The following RNF144B variants were observed in gnomAD, a reference collection of about 807,000 sequenced individuals.
RNF144B encodes the protein ring finger protein 144B.
In RNF144B, 25 loss-of-function variants were observed where a neutral mutation model predicts 40.2. The observed-to-expected ratio is 0.62, with a 90% CI of 0.45 to 0.87. The LOEUF is 0.87. Among genes scored for constraint, RNF144B ranks in the 40% least tolerant of loss-of-function variants. The pLI is 0.00. For synonymous variants in RNF144B, 145 were observed against 136.3 expected (o/e 1.06, Z -0.44); for missense variants, 365 against 373.7 (o/e 0.98, Z 0.19).
Position 18,395,450 on chromosome 6 carries a change from C to T in RNF144B, c.-36-4049C>T, listed in dbSNP as rs1260157502. Among the ~76,000 whole-genome samples the T allele has an allele frequency of 6.6e-6, 1 of 152,046 alleles. No homozygotes were observed. Among genetic ancestry groups the T allele is most frequent in the Non-Finnish European group, 1.5e-5 (1 of 68,002 alleles). On this transcript the variant is annotated intron_variant, in intron 1 of 7. Transcript: ENST00000259939. The surrounding 1 kb of genome is among the most constrained non-coding windows in gnomAD (Gnocchi z 4.5). ...CACAAAGGAAGAAATGCAAGGAAAC[C>T]TTGGAGCCATTCACAGGCATCTCAG...
rs1004779858 is a variant in RNF144B at position 18,398,098 on chromosome 6, G to T, written c.-36-1401G>T. Among the ~76,000 whole-genome samples, 1 of 151,790 alleles carries T rather than the reference G, an allele frequency of 6.6e-6. No homozygotes were observed. Among genetic ancestry groups the T allele is most frequent in the African/African-American group, 2.4e-5 (1 of 41,298 alleles). On this transcript the variant is annotated intron_variant, in intron 1 of 7. Coordinates refer to ENST00000259939, the MANE Select transcript of RNF144B (RefSeq NM_182757.4). This position sits in a 1 kb window ranked among gnomAD's most constrained non-coding sequence, Gnocchi z 5.0. ...CACTCGAGCCTGGGCAACAGAGAGAGACCCTTTCTCTAGGAAAAAAAAACC... is the reference window on the plus strand; with the variant it reads ...CACTCGAGCCTGGGCAACAGAGAGATACCCTTTCTCTAGGAAAAAAAAACC...
intron 1 of RNF144B, chr6:18,396,363 CTTTGTTTTTCAAGAGTACA>C (rs1794694100): frequency 1.1e-6 from 1 of 946,152 alleles, no homozygotes; most frequent in African/African-American, 1.8e-5. Context: ...CCAATTATGT[CTTTGTTTTTCAAGAGTACA>C]TTAAAACTTT....
intron 6 of RNF144B, among the ~76,000 whole-genome samples, chr6:18,462,171 G>A (rs538731042): frequency 6.6e-5 from 10 of 152,124 alleles, no homozygotes; most frequent in Non-Finnish European, 1.2e-4. Context: ...TAGAAGCCAA[G>A]CTTCAAAAAA....
Position 18,450,212 on chromosome 6 carries a change from A to G in RNF144B, c.332-6943A>G, listed in dbSNP as rs138871613. Among the ~76,000 whole-genome samples, 1 of 151,606 alleles carries G rather than the reference A, an allele frequency of 6.6e-6. No individual in the cohort carries two copies. The highest frequency in any genetic ancestry group is 1.9e-4 in the East Asian group (1 of 5,138). Reference sequence around the variant, plus strand: ...TAATGTATTGATATGTTTACTTCCAATTCATTACTTTCATGGCCTGTGTTT... The same window carrying G: ...TAATGTATTGATATGTTTACTTCCAGTTCATTACTTTCATGGCCTGTGTTT... On this transcript the variant is annotated intron_variant, in intron 4 of 7. Transcript: ENST00000259939. The surrounding 1 kb of genome is among the most constrained non-coding windows in gnomAD (Gnocchi z 4.7).
chr6:18,444,827 CT>C lies in RNF144B; in HGVS notation c.331+5086del, dbSNP rs1374971423. Among the ~76,000 whole-genome samples, 1 of 152,164 alleles carries C rather than the reference CT, an allele frequency of 6.6e-6. No individual in the cohort carries two copies. The highest frequency in any genetic ancestry group is 1.5e-5 in the Non-Finnish European group (1 of 68,022). ...TTCTTCAAGCTGTGGTTCCATCTTT[CT>C]TTGAAAGCCCTTTTGTTCTCAGCAT... On this transcript the variant is annotated intron_variant, in intron 4 of 7. Transcript: ENST00000259939. The surrounding 1 kb of genome is among the most constrained non-coding windows in gnomAD (Gnocchi z 4.3).
At position 18,387,584 on chromosome 6, in the gene RNF144B, A is replaced by C. The variant is rs764885; in HGVS notation, c.-83A>C. On this transcript the variant is annotated 5_prime_UTR_variant, in exon 1 of 8. Coordinates refer to ENST00000259939, the MANE Select transcript of RNF144B (RefSeq NM_182757.4). ...CCCGGACTGGCGGTGAGCGCGAGGG[A>C]GGCTACTGAGAAGCCCGGCGACGGA... 179,905 of 1,322,410 alleles carry C rather than the reference A, an allele frequency of 0.14. 12,790 individuals carry two copies. The highest frequency in any genetic ancestry group is 0.23 in the East Asian group (4,649 of 20,512). 81.9% of individuals were successfully genotyped at this position (1,322,410 alleles called of 1,614,324 possible). A position where few individuals can be genotyped will look rare whatever the true frequency, so the allele number is the denominator to read the frequency against.
chr6:18,391,175 T>C (rs10085231), intron 1 of RNF144B, among the ~76,000 whole-genome samples: 74 of 152,350 alleles, frequency 4.9e-4, no homozygotes, highest in African/African-American at 1.8e-3. Flanking sequence ...TGGCTCTTGC[T>C]CTATAAGGCT....
intron 3 of RNF144B, among the ~76,000 whole-genome samples, chr6:18,439,412 G>C (rs1363046575): frequency 6.6e-6 from 1 of 152,094 alleles, no homozygotes; most frequent in Non-Finnish European, 1.5e-5. Context: ...TTGTTGTCTG[G>C]TCTTGGTAGC....
intron 4 of RNF144B, among the ~76,000 whole-genome samples, chr6:18,440,024 A>G (rs1259838920): frequency 1.3e-5 from 2 of 152,194 alleles, no homozygotes; most frequent in African/African-American, 4.8e-5. Flanking sequence ...AGATGGCTTT[A>G]TAATCACAAT....
rs1759003266 is a variant in RNF144B at position 18,443,164 on chromosome 6, G to T, written c.331+3420G>T. Among the ~76,000 whole-genome samples, 1 of 152,132 alleles carries T rather than the reference G, an allele frequency of 6.6e-6. No homozygotes were observed. The highest frequency in any genetic ancestry group is 1.5e-5 in the Non-Finnish European group (1 of 68,030). On this transcript the variant is annotated intron_variant, in intron 4 of 7. Coordinates refer to ENST00000259939, the MANE Select transcript of RNF144B (RefSeq NM_182757.4). The surrounding 1 kb of genome is among the most constrained non-coding windows in gnomAD (Gnocchi z 4.7). ...AGACATCTTACTGTCATAAAGTATT[G>T]CAGTGTATTAAATTTAGTGGCCTTT...
intron 3 of RNF144B, among the ~76,000 whole-genome samples, chr6:18,438,103 G>A (rs781511732): frequency 2.6e-5 from 4 of 152,148 alleles, no homozygotes; most frequent in African/African-American, 4.8e-5. Context: ...AGAAGCTGAC[G>A]TAGCATTTGT....
chr6:18,392,481 A>G (rs896353881), intron 1 of RNF144B, among the ~76,000 whole-genome samples: 1 of 152,138 alleles, frequency 6.6e-6, no homozygotes, highest in Admixed American at 6.5e-5. Context: ...TAACCCACAA[A>G]AAGGTTAATA....
intron 2 of RNF144B, among the ~76,000 whole-genome samples, chr6:18,408,816 T>G (rs528281533): frequency 6.6e-6 from 1 of 152,234 alleles, no homozygotes; most frequent in African/African-American, 2.4e-5. Context: ...GTATACCCCA[T>G]ACTCTTCTAA....
At position 18,465,271 on chromosome 6, in the gene RNF144B, C is replaced by T. The variant is rs1759551934; in HGVS notation, c.*204C>T. 1.0e-5 allele frequency: 6 copies of T among 585,108 alleles called. No individual in the cohort carries two copies. Among genetic ancestry groups the T allele is most frequent in the Non-Finnish European group, 1.5e-5 (5 of 329,106 alleles). The allele number at this position is 585,108 out of a possible 1,614,324, so 36.2% of individuals were successfully genotyped here. A position where few individuals can be genotyped will look rare whatever the true frequency, so the allele number is the denominator to read the frequency against. On this transcript the variant is annotated 3_prime_UTR_variant, in exon 8 of 8. Coordinates refer to ENST00000259939, the MANE Select transcript of RNF144B (RefSeq NM_182757.4). ...GTTCCTGTGTAACAAGAACTGGGCT[C>T]AACGGTCCAGCTGTTTCTATGGAGC...
intron 2 of RNF144B, among the ~76,000 whole-genome samples, chr6:18,403,795 A>C (rs1794839451): frequency 6.6e-6 from 1 of 152,214 alleles, no homozygotes; most frequent in African/African-American, 2.4e-5. Context: ...GCTGACATCT[A>C]CTTGGCTTCT....
rs1759571175 is a variant in RNF144B, at chr6:18,466,393, T to C, written c.*1326T>C. The C allele has an allele frequency of 6.6e-6, 1 of 151,932 alleles. No homozygotes were observed. The highest frequency in any genetic ancestry group is 2.4e-5 in the African/African-American group (1 of 41,180). 9.4% of individuals were successfully genotyped at this position (151,932 alleles called of 1,614,324 possible). A position where few individuals can be genotyped will look rare whatever the true frequency, so the allele number is the denominator to read the frequency against. ...CTGAATACTTTCTGTTTCAAGGCAC[T>C]GATAAAACCGCAACAAAAACATGTA... is the stretch of plus-strand genomic sequence containing the variant. On this transcript the variant is annotated 3_prime_UTR_variant, in exon 8 of 8. Coordinates refer to ENST00000259939, the MANE Select transcript of RNF144B (RefSeq NM_182757.4).
intron 1 of RNF144B, among the ~76,000 whole-genome samples, chr6:18,392,735 G>T (rs774008902): frequency 6.6e-6 from 1 of 152,138 alleles, no homozygotes; most frequent in African/African-American, 2.4e-5. Flanking sequence ...GCCTGAATAG[G>T]TGAATATTTA....
At chr6:18,438,411 A>G (rs1305049912) in intron 3 of RNF144B, among the ~76,000 whole-genome samples, 9 of 152,188 alleles carry the variant, frequency 5.9e-5, no homozygotes, top group Admixed American at 5.2e-4. Flanking sequence ...GTACCAGATG[A>G]AAATGCAACA....
intron 1 of RNF144B, among the ~76,000 whole-genome samples, chr6:18,389,136 G>A (rs1275991701): frequency 2.6e-5 from 4 of 152,114 alleles, no homozygotes; most frequent in Admixed American, 2.6e-4. Flanking sequence ...AGTCATCTAT[G>A]CCAAATATCT....
Sources: allele counts gnomAD v4.1 joint callset (sites outside exome capture counted in the v4.1 genomes callset), GRCh38; gene constraint gnomAD v4.1.1; non-coding constraint Gnocchi (gnomAD v3.1); transcripts MANE v1.5; gene names NCBI Gene and HGNC (gene_info 2026-07-23, HGNC 2026-07-21).